The following RALGAPA1 variants were observed in gnomAD, a reference collection of about 807,000 sequenced individuals.
RALGAPA1 encodes the protein Ral GTPase activating protein catalytic subunit alpha 1.
A neutral mutation model predicts 269.6 loss-of-function variants in RALGAPA1; 52 were observed. That is an observed-to-expected ratio of 0.19 (90% CI 0.15 to 0.24). RALGAPA1 has a LOEUF of 0.24. Among genes scored for constraint, RALGAPA1 ranks in the 10% least tolerant of loss-of-function variants. The probability of loss-of-function intolerance (pLI) is 1.00; values close to 1 mark genes in which losing one functional copy is unlikely to be tolerated. For synonymous variants in RALGAPA1, 817 were observed against 1,008.3 expected (o/e 0.81, Z 3.60); for missense variants, 1,917 against 3,013.9 (o/e 0.64, Z 8.52).
intron 39 of RALGAPA1, among the ~76,000 whole-genome samples, chr14:35,559,736 C>A (rs1487449745): frequency 1.3e-5 from 2 of 152,088 alleles, no homozygotes; most frequent in Non-Finnish European, 2.9e-5. Context: ...GTATTTTTGT[C>A]GTTGTTGCCA....
chr14:35,610,340 T>C lies in RALGAPA1; in HGVS notation c.6930-4631A>G, dbSNP rs539283127. Among the ~76,000 whole-genome samples the C allele has an allele frequency of 5.3e-5, 8 of 151,624 alleles. No individual in the cohort carries two copies. In the East Asian group the frequency reaches 1.6e-3, roughly 29 times the overall value. Reference sequence around the variant, plus strand: ...CTCTCTCGCCCAGGCTGGAGTGCAGTGGTGTGATCTCTGCTCACTGCAAGC... The same window carrying C: ...CTCTCTCGCCCAGGCTGGAGTGCAGCGGTGTGATCTCTGCTCACTGCAAGC... On this transcript the variant is annotated intron_variant, in intron 35 of 41. Coordinates refer to ENST00000680220, the MANE Select transcript of RALGAPA1 (RefSeq NM_001346249.2).
At chr14:35,603,998 T>G (rs939236917) in intron 36 of RALGAPA1, among the ~76,000 whole-genome samples, 1 of 152,134 alleles carries the variant, frequency 6.6e-6, no homozygotes, top group African/African-American at 2.4e-5. Flanking sequence ...AGAGGAGATT[T>G]GAAATGTTCC....
At chr14:35,566,111 G>A (rs1594610160) in intron 39 of RALGAPA1, among the ~76,000 whole-genome samples, 2 of 151,710 alleles carry the variant, frequency 1.3e-5, no homozygotes, top group Non-Finnish European at 2.9e-5. Context: ...AACAAATTGA[G>A]CTCCAGACCC....
chr14:35,714,820 T>C (rs376033795), intron 16 of RALGAPA1, among the ~76,000 whole-genome samples: 15 of 152,358 alleles, frequency 9.8e-5, no homozygotes, highest in South Asian at 8.3e-4. Flanking sequence ...TTTTAAGCTT[T>C]TGTCTTTGTT....
At chr14:35,671,826 C>G (rs2064468287) in intron 25 of RALGAPA1, among the ~76,000 whole-genome samples, 1 of 152,206 alleles carries the variant, frequency 6.6e-6, no homozygotes, top group Admixed American at 6.5e-5. Flanking sequence ...CAATGTAAAA[C>G]TAAACTGCAT....
At chr14:35,668,940 C>G (rs948430629) in intron 26 of RALGAPA1, among the ~76,000 whole-genome samples, 1 of 152,084 alleles carries the variant, frequency 6.6e-6, no homozygotes, top group East Asian at 1.9e-4. Context: ...TACACTCTTA[C>G]AGATTAACTA....
chr14:35,598,401 T>TTA (rs149494591), intron 36 of RALGAPA1, among the ~76,000 whole-genome samples: 25,866 of 150,230 alleles, frequency 0.17, 4,092 homozygotes, highest in African/African-American at 0.41. Flanking sequence ...CTATATTGTT[T>TTA]TATATATATA....
intron 13 of RALGAPA1, among the ~76,000 whole-genome samples, chr14:35,726,868 T>G (rs1037658883): frequency 6.6e-6 from 1 of 152,106 alleles, no homozygotes. Flanking sequence ...GTAGTTCAAA[T>G]CTCTGTCCAC....
At chr14:35,753,480 T>C (rs894839076) in intron 7 of RALGAPA1, among the ~76,000 whole-genome samples, 1 of 152,104 alleles carries the variant, frequency 6.6e-6, no homozygotes, top group Admixed American at 6.6e-5. Context: ...AAATACTGTA[T>C]ATGTATACAA....
intron 20 of RALGAPA1, among the ~76,000 whole-genome samples, chr14:35,684,285 A>C (rs1314475112): frequency 6.6e-6 from 1 of 152,234 alleles, no homozygotes; most frequent in African/African-American, 2.4e-5. Flanking sequence ...ACTGACTGCC[A>C]AGTGCAATAT....
At chr14:35,724,905 C>CT (rs1316580973) in intron 14 of RALGAPA1, 119 bp downstream of exon 14, 37 of 787,402 alleles carry the variant, frequency 4.7e-5, no homozygotes, top group South Asian at 7.8e-5. Context: ...TAATTTAAAA[C>CT]TTTTTTTTCT....
rs370119925 is a variant in RALGAPA1, at chr14:35,784,341, T to C, written c.107-8596A>G. On this transcript the variant is annotated intron_variant, in intron 1 of 41. Transcript: ENST00000680220. ...TACAATGTGATGGACTTTGAAAAGATTATGCTAAGTGAAAGAAGCCAGACA... is the reference window on the plus strand; with the variant it reads ...TACAATGTGATGGACTTTGAAAAGACTATGCTAAGTGAAAGAAGCCAGACA... Among the ~76,000 whole-genome samples, 5 of 152,148 alleles carry C rather than the reference T, an allele frequency of 3.3e-5. No homozygotes were observed. The East Asian group carries it at 7.7e-4, about 23-fold the overall frequency.
chr14:35,799,061 C>G (rs992163725), intron 1 of RALGAPA1, among the ~76,000 whole-genome samples: 7 of 150,304 alleles, frequency 4.7e-5, no homozygotes, highest in African/African-American at 1.7e-4. Context: ...GGGTATGAGA[C>G]TTTTTATTAC....
At position 35,744,808 on chromosome 14, in the gene RALGAPA1, G is replaced by T. The variant is rs534136469; in HGVS notation, c.1252-2243C>A. ...ATTTTACAGTTGTAGCAACAGCTCA[G>T]CCTTCCTTAAAAAGATTCACAATAA... On this transcript the variant is annotated intron_variant, in intron 10 of 41. Coordinates refer to ENST00000680220, the MANE Select transcript of RALGAPA1 (RefSeq NM_001346249.2). Among the ~76,000 whole-genome samples the T allele has an allele frequency of 2.9e-4, 44 of 152,232 alleles. 1 individual carries two copies. Among genetic ancestry groups the T allele is most frequent in the African/African-American group, 1.0e-3 (43 of 41,522 alleles).
intron 1 of RALGAPA1, among the ~76,000 whole-genome samples, chr14:35,787,780 C>T (rs1000483137): frequency 6.6e-6 from 1 of 151,690 alleles, no homozygotes; most frequent in South Asian, 2.1e-4. Context: ...GGGGGTCTCA[C>T]TATGTCGCCC....
At chr14:35,649,754 A>G (rs1016660861) in intron 31 of RALGAPA1, among the ~76,000 whole-genome samples, 1 of 151,858 alleles carries the variant, frequency 6.6e-6, no homozygotes, top group Non-Finnish European at 1.5e-5. Flanking sequence ...ACATTTTTCT[A>G]CTTTTTATAC....
At chr14:35,806,796 T>C (rs1436775350) in intron 1 of RALGAPA1, among the ~76,000 whole-genome samples, 1 of 152,242 alleles carries the variant, frequency 6.6e-6, no homozygotes, top group Non-Finnish European at 1.5e-5. Context: ...GGATTTTCCA[T>C]CTGCAAAATC....
intron 9 of RALGAPA1, among the ~76,000 whole-genome samples, chr14:35,749,392 C>CA (rs1467713451): frequency 2.0e-5 from 3 of 151,902 alleles, no homozygotes; most frequent in African/African-American, 7.3e-5. Context: ...GAATTTTCAC[C>CA]AAGTCTGAAG....
chr14:35,772,826 T>A (rs2074733705), intron 3 of RALGAPA1, among the ~76,000 whole-genome samples: 1 of 152,206 alleles, frequency 6.6e-6, no homozygotes, highest in Admixed American at 6.5e-5. Flanking sequence ...CTAAAACCTC[T>A]GCCTTGATAA....
Sources: allele counts gnomAD v4.1 joint callset (sites outside exome capture counted in the v4.1 genomes callset), GRCh38; gene constraint gnomAD v4.1.1; transcripts MANE v1.5; gene names NCBI Gene and HGNC (gene_info 2026-07-23, HGNC 2026-07-21).